Variants in CLVS1 observed in about 807,000 individuals in gnomAD.
CLVS1 encodes clavesin-1.
CLVS1 carries 10 observed loss-of-function variants against 33.1 expected under a neutral mutation model. The observed-to-expected ratio is 0.30, with a 90% confidence interval of 0.19 to 0.51. CLVS1 has a LOEUF of 0.51. Ranked by LOEUF, CLVS1 falls within the 20% of genes least tolerant of loss-of-function variation. The pLI is 0.97. For synonymous variants in CLVS1, 163 were observed against 166.1 expected, an observed-to-expected ratio of 0.98 and a Z score of 0.14; for missense variants, 343 against 433.4, an observed-to-expected ratio of 0.79 and a Z score of 1.85.
At chr8:61,259,982 C>A (rs1809166032) in intron 2 of CLVS1, among the ~76,000 whole-genome samples, 2 of 152,304 alleles carry the variant, frequency 1.3e-5, no homozygotes, top group South Asian at 2.1e-4. Context: ...AACTCCAGAG[C>A]CCGCTGATTG....
chr8:61,323,297 G>A (rs745423518), intron 2 of CLVS1, among the ~76,000 whole-genome samples: 32 of 152,144 alleles, frequency 2.1e-4, no homozygotes, highest in African/African-American at 6.3e-4. Flanking sequence ...CTTTGAGGCC[G>A]CTTGAGGTCA....
At chr8:61,492,535 T>C (rs1804129895) in intron 5 of CLVS1, among the ~76,000 whole-genome samples, 1 of 152,124 alleles carries the variant, frequency 6.6e-6, no homozygotes, top group Admixed American at 6.5e-5. Context: ...GGGGGGTCTT[T>C]CTTCTTTGTT....
At chr8:61,042,067 T>A in the CLVS1 span, among the ~76,000 whole-genome samples, 50 of 152,322 alleles carry the variant, frequency 3.3e-4, no homozygotes, top group South Asian at 1.7e-3. Context: ...CCAACCAGCT[T>A]GAATCCCTTT....
At chr8:61,141,173 T>C (rs1049154156) in intron 2 of CLVS1, among the ~76,000 whole-genome samples, 5 of 152,250 alleles carry the variant, frequency 3.3e-5, no homozygotes, top group African/African-American at 1.2e-4. Flanking sequence ...TGCAGCCCTC[T>C]AGGTCCTCCA....
chr8:60,995,475 C>A, the CLVS1 span, among the ~76,000 whole-genome samples: 1 of 152,150 alleles, frequency 6.6e-6, no homozygotes, highest in Admixed American at 6.5e-5. Context: ...CCATCTCACA[C>A]CAGTTAGAAT....
chr8:61,003,143 G>A, the CLVS1 span, among the ~76,000 whole-genome samples: 1 of 152,188 alleles, frequency 6.6e-6, no homozygotes, highest in Admixed American at 6.5e-5. Context: ...GCTCTGGGGG[G>A]TCTCTGGTTG....
In CLVS1 at chr8:61,117,189, T is replaced by C. The variant is rs1249366383; in HGVS notation, c.-242-14581T>C. ...TCTCTGTTTGTCTGTTGTTGGTGTA[T>C]AAGAATGCTTGTGATTTTTGTACAT... On this transcript the variant is annotated intron_variant, in intron 1 of 2. Transcript: ENST00000522621. 2.5e-5 allele frequency among the ~76,000 whole-genome samples: 3 copies of C among 118,216 alleles called. No homozygotes were observed. The South Asian group carries it at 1.0e-3, about 40-fold the overall frequency. The allele number at this position is 118,216 out of a possible 152,430, so 77.6% of individuals were successfully genotyped here.
Position 61,299,873 on chromosome 8 carries a change from T to C in CLVS1, c.46T>C (p.Trp16Arg), listed in dbSNP as rs1371227944. 9.9e-6 allele frequency: 16 copies of C among 1,613,634 alleles called. No homozygotes were observed. Among genetic ancestry groups the C allele is most frequent in the Non-Finnish European group, 1.4e-5 (16 of 1,179,740 alleles). The stretch of plus-strand genomic sequence containing the variant: ...TCCAAAATATCAGAAGTTAAACACT[T>C]GGAACGGAGATTTGGCCAAGATGAC... The part of the protein sequence containing the change: ...LLPKYQKLNT[W>R]NGDLAKMTHL... The change falls in exon 2 of 6, where the codon TGG (tryptophan) becomes CGG (arginine). Residue 16 changes from tryptophan (W) to arginine (R), a missense_variant. Trp to Arg is a moderately radical substitution (Grantham distance 101). Around this residue, in one of 4 missense-constraint regions of CLVS1, gnomAD observed 88 missense variants for 77.3 expected, o/e 1.14. Coordinates refer to ENST00000325897, the MANE Select transcript of CLVS1 (RefSeq NM_173519.3).
chr8:61,148,508 T>C (rs1388839013), intron 2 of CLVS1, among the ~76,000 whole-genome samples: 1 of 152,174 alleles, frequency 6.6e-6, no homozygotes. Flanking sequence ...CTACTCGTGA[T>C]GAGGTTTTGC....
chr8:60,994,289 C>T, the CLVS1 span, among the ~76,000 whole-genome samples: 2 of 152,174 alleles, frequency 1.3e-5, no homozygotes, highest in African/African-American at 2.4e-5. Flanking sequence ...TGTTTTAACA[C>T]AGTTATCTCT....
intron 3 of CLVS1, among the ~76,000 whole-genome samples, chr8:61,426,758 T>C (rs1815911157): frequency 1.3e-5 from 2 of 152,212 alleles, no homozygotes; most frequent in African/African-American, 4.8e-5. Flanking sequence ...TATCTTCATT[T>C]TTATCACTAC....
intron 1 of CLVS1, among the ~76,000 whole-genome samples, chr8:61,065,527 G>C (rs561452883): frequency 6.6e-6 from 1 of 152,294 alleles, no homozygotes; most frequent in Non-Finnish European, 1.5e-5. Flanking sequence ...TTGAAACTAA[G>C]GAGCAGACAC....
At position 61,497,957 on chromosome 8, in the gene CLVS1, C is replaced by A. The variant is rs538859575; in HGVS notation, c.978-1498C>A. On this transcript the variant is annotated intron_variant, in intron 5 of 5. Transcript: ENST00000325897. ...AGTGAAGATGGCTGGAAATCACTCTCATCGCCGTCTTGGTTTCGGTGGGTT... is the reference window on the plus strand; with the variant it reads ...AGTGAAGATGGCTGGAAATCACTCTAATCGCCGTCTTGGTTTCGGTGGGTT... Among the ~76,000 whole-genome samples the A allele has an allele frequency of 4.6e-5, 7 of 152,274 alleles. No individual in the cohort carries two copies. The South Asian group carries it at 1.5e-3, about 32-fold the overall frequency.
At chr8:61,078,587 C>A (rs1804966806) in intron 1 of CLVS1, among the ~76,000 whole-genome samples, 3 of 152,172 alleles carry the variant, frequency 2.0e-5, no homozygotes, top group African/African-American at 7.2e-5. Context: ...TCATCTAATT[C>A]ATTCTGAAAC....
At chr8:61,193,217 G>A (rs1807530726) in intron 2 of CLVS1, among the ~76,000 whole-genome samples, 3 of 152,172 alleles carry the variant, frequency 2.0e-5, no homozygotes, top group Non-Finnish European at 4.4e-5. Context: ...CATGTCCTTT[G>A]TAGGGACATG....
intron 2 of CLVS1, among the ~76,000 whole-genome samples, chr8:61,241,228 C>T (rs1023240207): frequency 1.3e-5 from 2 of 152,154 alleles, no homozygotes; most frequent in Non-Finnish European, 2.9e-5. Flanking sequence ...ATCTTCAATT[C>T]ATAGTTTATT....
chr8:61,218,035 C>T (rs960585260), intron 2 of CLVS1, among the ~76,000 whole-genome samples: 12 of 152,206 alleles, frequency 7.9e-5, no homozygotes, highest in Admixed American at 2.0e-4. Context: ...GAAACGGGGA[C>T]TCATACATTG....
intron 1 of CLVS1, among the ~76,000 whole-genome samples, chr8:61,069,796 T>G (rs1294337449): frequency 2.0e-5 from 3 of 152,082 alleles, no homozygotes; most frequent in African/African-American, 7.2e-5. Flanking sequence ...TTTATTTTAT[T>G]TATTTATTTT....
At chr8:61,167,029 C>T (rs1806880789) in intron 2 of CLVS1, among the ~76,000 whole-genome samples, 1 of 150,742 alleles carries the variant, frequency 6.6e-6, no homozygotes, top group Non-Finnish European at 1.5e-5. Flanking sequence ...ACATTTGCTT[C>T]CTTTCTTGAT....
Sources: gnomAD v4.1 joint callset for allele counts (sites outside exome capture counted in the v4.1 genomes callset) on GRCh38, gnomAD v4.1.1 for gene constraint, gnomAD v4.1.1 regional missense constraint, MANE v1.5 for transcripts, NCBI Gene and HGNC (gene_info 2026-07-23, HGNC 2026-07-21) for gene names.